The following AGBL4 variants were observed in gnomAD, a reference collection of about 807,000 sequenced individuals.
AGBL4 encodes AGBL carboxypeptidase 4.
AGBL4 carries 58 observed loss-of-function variants against 66.4 expected under a neutral mutation model. That is an observed-to-expected ratio of 0.87 (90% CI 0.71 to 1.09). AGBL4 has a LOEUF of 1.09. AGBL4 is among the 50% of genes least tolerant of loss of function. The pLI is 0.00. For missense variants in AGBL4, 579 were observed against 631.0 expected, an observed-to-expected ratio of 0.92 and a Z score of 0.88; for synonymous variants, 234 against 222.9, an observed-to-expected ratio of 1.05 and a Z score of -0.44.
At chr1:48,634,344 T>C (rs1450630088) in intron 9 of AGBL4, 149 bp downstream of exon 9, 1 of 567,162 alleles carries the variant, frequency 1.8e-6, no homozygotes, top group Non-Finnish European at 3.1e-6. Flanking sequence ...TTGGGTCTGC[T>C]GGATTCAGAG....
chr1:49,446,013 G>T (rs918914157), intron 3 of AGBL4, among the ~76,000 whole-genome samples: 1 of 151,954 alleles, frequency 6.6e-6, no homozygotes, highest in African/African-American at 2.4e-5. Flanking sequence ...CACCATGCCT[G>T]ACTAATTTTT....
At chr1:48,948,559 C>A (rs565510260) in intron 5 of AGBL4, among the ~76,000 whole-genome samples, 1 of 152,294 alleles carries the variant, frequency 6.6e-6, no homozygotes, top group Admixed American at 6.5e-5. Flanking sequence ...TTTAATTTAG[C>A]CTTCATCCAT....
At chr1:49,519,812 T>A (rs769240361) in intron 3 of AGBL4, among the ~76,000 whole-genome samples, 64 of 152,106 alleles carry the variant, frequency 4.2e-4, no homozygotes, top group Non-Finnish European at 5.0e-4. Flanking sequence ...TGAAGCTGAG[T>A]TTGGCAGAGA....
chr1:49,004,578 G>C (rs1421568919), intron 5 of AGBL4, among the ~76,000 whole-genome samples: 2 of 152,182 alleles, frequency 1.3e-5, no homozygotes, highest in African/African-American at 4.8e-5. Context: ...TGATAAATCA[G>C]ATCCAGTCCT....
intron 3 of AGBL4, among the ~76,000 whole-genome samples, chr1:49,501,232 C>G (rs1648120457): frequency 6.6e-6 from 1 of 152,134 alleles, no homozygotes; most frequent in African/African-American, 2.4e-5. Context: ...CAGCAGCAAA[C>G]TCTTTCAATG....
chr1:49,894,615 T>C (rs1293548390), intron 1 of AGBL4, among the ~76,000 whole-genome samples: 2 of 151,932 alleles, frequency 1.3e-5, no homozygotes, highest in African/African-American at 4.8e-5. Flanking sequence ...AAAATGCAAT[T>C]GACATACTGA....
intron 5 of AGBL4, among the ~76,000 whole-genome samples, chr1:49,016,447 G>A (rs927043112): frequency 6.6e-6 from 1 of 152,336 alleles, no homozygotes; most frequent in African/African-American, 2.4e-5. Flanking sequence ...AAGGCCCTGG[G>A]AAGGCAGACT....
intron 3 of AGBL4, among the ~76,000 whole-genome samples, chr1:49,553,277 T>G (rs1653116615): frequency 6.6e-6 from 1 of 152,330 alleles, no homozygotes; most frequent in East Asian, 1.9e-4. Flanking sequence ...CTCTCTGTTC[T>G]TTACTACTCT....
intron 3 of AGBL4, among the ~76,000 whole-genome samples, chr1:49,275,821 TA>T: frequency 6.6e-6 from 1 of 152,270 alleles, no homozygotes; most frequent in Non-Finnish European, 1.5e-5. Context: ...TTACTTTTCT[TA>T]AAGCCCTATA....
At chr1:49,250,424 C>T (rs2148336049) in intron 3 of AGBL4, among the ~76,000 whole-genome samples, 1 of 149,690 alleles carries the variant, frequency 6.7e-6, no homozygotes, top group East Asian at 2.0e-4. Context: ...GAACCCTGAA[C>T]TACACACAGG....
At chr1:49,916,653 A>AC (rs1651538230) in intron 1 of AGBL4, among the ~76,000 whole-genome samples, 1 of 152,196 alleles carries the variant, frequency 6.6e-6, no homozygotes, top group Non-Finnish European at 1.5e-5. Context: ...AAGTTGGAAA[A>AC]CACTCTGCAG....
intron 4 of AGBL4, among the ~76,000 whole-genome samples, chr1:49,084,299 T>TA (rs1644858874): frequency 6.6e-6 from 1 of 152,150 alleles, no homozygotes; most frequent in South Asian, 2.1e-4. Context: ...ACTCTACCAT[T>TA]ACCAATTTAC....
At chr1:49,660,169 C>T (rs2124487194) in intron 3 of AGBL4, among the ~76,000 whole-genome samples, 1 of 152,118 alleles carries the variant, frequency 6.6e-6, no homozygotes, top group East Asian at 1.9e-4. Context: ...GAACAGGCAA[C>T]TACAAAGTAG....
intron 6 of AGBL4, among the ~76,000 whole-genome samples, chr1:48,851,398 T>C (rs572912713): frequency 6.6e-6 from 1 of 152,186 alleles, no homozygotes; most frequent in South Asian, 2.1e-4. Flanking sequence ...TCTCTGCTGG[T>C]TTAGCTGAGG....
intron 2 of AGBL4, among the ~76,000 whole-genome samples, chr1:49,784,441 T>G (rs150270927): frequency 9.6e-4 from 146 of 152,182 alleles, no homozygotes; most frequent in African/African-American, 3.4e-3. Flanking sequence ...AATTATGCAG[T>G]TGGAACCCTT....
At chr1:49,980,046 T>G (rs914661091) in intron 1 of AGBL4, among the ~76,000 whole-genome samples, 1 of 152,102 alleles carries the variant, frequency 6.6e-6, no homozygotes, top group African/African-American at 2.4e-5. Flanking sequence ...TAACTTACGG[T>G]AGGAATACAG....
At chr1:49,793,739 A>G (rs1644662970) in intron 2 of AGBL4, among the ~76,000 whole-genome samples, 1 of 152,000 alleles carries the variant, frequency 6.6e-6, no homozygotes, top group Non-Finnish European at 1.5e-5. Flanking sequence ...TCTAGGTAAG[A>G]AATTTAAATT....
At chr1:49,095,819 A>C (rs1345757851) in intron 4 of AGBL4, among the ~76,000 whole-genome samples, 20 of 150,718 alleles carry the variant, frequency 1.3e-4, no homozygotes, top group Non-Finnish European at 1.9e-4. Flanking sequence ...CAATGGCAAC[A>C]AAAGCCAAAA....
At chr1:49,185,074 C>T (rs1311850950) in intron 4 of AGBL4, among the ~76,000 whole-genome samples, 2 of 152,164 alleles carry the variant, frequency 1.3e-5, no homozygotes, top group Non-Finnish European at 2.9e-5. Context: ...TACAGAGACT[C>T]AGGAATTCTA....
Sources: gnomAD v4.1 joint callset for allele counts (sites outside exome capture counted in the v4.1 genomes callset) on GRCh38, gnomAD v4.1.1 for gene constraint, MANE v1.5 for transcripts, NCBI Gene and HGNC (gene_info 2026-07-23, HGNC 2026-07-21) for gene names.